TRAPPC9: variants seen among roughly 807,000 people sequenced by gnomAD.
TRAPPC9 encodes the protein IKK2 binding protein.
Under a neutral mutation model 124.0 loss-of-function variants are expected in TRAPPC9, and 83 were observed. The ratio of observed to expected loss-of-function variants is 0.67; its 90% CI spans 0.56 to 0.80. The LOEUF (loss-of-function observed/expected upper bound fraction) is 0.80. Among genes scored for constraint, TRAPPC9 ranks in the 30% least tolerant of loss-of-function variants. The pLI, the probability that TRAPPC9 is intolerant of heterozygous loss-of-function variation, is 0.00. For synonymous variants in TRAPPC9, 638 were observed against 617.5 expected, an observed-to-expected ratio of 1.03 and a Z score of -0.49; for missense variants, 1,302 against 1,508.3, an observed-to-expected ratio of 0.86 and a Z score of 2.27.
chr8:140,045,520 G>A (rs756680296), intron 17 of TRAPPC9, among the ~76,000 whole-genome samples: 13 of 151,002 alleles, frequency 8.6e-5, no homozygotes, highest in Non-Finnish European at 1.2e-4. Flanking sequence ...CCAGCTACTC[G>A]GGAAGGTGAG....
chr8:140,325,044 T>C (rs1309643729), intron 9 of TRAPPC9, among the ~76,000 whole-genome samples: 5 of 151,740 alleles, frequency 3.3e-5, no homozygotes, highest in Non-Finnish European at 7.4e-5. Context: ...CAGAAATCAA[T>C]AACAATACCA....
Position 139,731,046 on chromosome 8 carries a change from C to T in TRAPPC9, c.*15G>A, listed in dbSNP as rs373434623. 16 of 1,611,114 alleles carry T rather than the reference C, an allele frequency of 9.9e-6. No individual in the cohort carries two copies. Among genetic ancestry groups the T allele is most frequent in the Admixed American group, 6.7e-5 (4 of 59,970 alleles). ...ACCTCTGGCCCTGCAGAAAGAGGGACGGAAGTAGGCGGGCTCAGGCCTGCG... is the reference window on the plus strand; with the variant it reads ...ACCTCTGGCCCTGCAGAAAGAGGGATGGAAGTAGGCGGGCTCAGGCCTGCG... On this transcript the variant is annotated 3_prime_UTR_variant, in exon 23 of 23. Coordinates refer to ENST00000438773, the MANE Select transcript of TRAPPC9 (RefSeq NM_001160372.4).
intron 21 of TRAPPC9, among the ~76,000 whole-genome samples, chr8:139,852,162 A>G (rs375245668): frequency 1.3e-5 from 2 of 152,224 alleles, no homozygotes; most frequent in East Asian, 1.9e-4. Flanking sequence ...CCTTCCACAG[A>G]TGATGAGACT....
In TRAPPC9 at chr8:140,388,805, G is replaced by A. The variant is rs899763095; in HGVS notation, c.1134+8815C>T. On this transcript the variant is annotated intron_variant, in intron 7 of 22. Transcript: ENST00000438773. ...GGAGGTTGCAGTGAGCAGAGATGGC[G>A]CCATTGCACACTCCAGCCTGAACAG... is the stretch of plus-strand genomic sequence containing the variant. Among the ~76,000 whole-genome samples, 9 of 142,832 alleles carry A rather than the reference G, an allele frequency of 6.3e-5. No homozygotes were observed. In the South Asian group the frequency reaches 6.6e-4, roughly 11 times the overall value. 93.7% of individuals were successfully genotyped at this position (142,832 alleles called of 152,430 possible).
Position 140,353,876 on chromosome 8 carries a change from C to T in TRAPPC9, c.1495+6174G>A, listed in dbSNP as rs933181400. ...CGTGACAGTTGGTGTCTTTGAGGAG[C>T]TTAGAGGCTTGCTGGGTGGGCAAAC... On this transcript the variant is annotated intron_variant, in intron 9 of 22. Coordinates refer to ENST00000438773, the MANE Select transcript of TRAPPC9 (RefSeq NM_001160372.4). The surrounding 1 kb of genome is among the most constrained non-coding windows in gnomAD (Gnocchi z 4.2). Among the ~76,000 whole-genome samples the T allele has an allele frequency of 6.6e-6, 1 of 152,166 alleles. No homozygotes were observed. The highest frequency in any genetic ancestry group is 2.4e-5 in the African/African-American group (1 of 41,434).
intron 17 of TRAPPC9, among the ~76,000 whole-genome samples, chr8:140,145,943 T>C (rs997303332): frequency 6.6e-5 from 10 of 152,230 alleles, no homozygotes; most frequent in African/African-American, 2.4e-4. Context: ...GCTATCTTGG[T>C]TAGAATTCAA....
chr8:140,291,183 C>T, intron 11 of TRAPPC9, 105 bp from the exon 12 acceptor site: 1 of 1,022,236 alleles, frequency 9.8e-7, no homozygotes, highest in South Asian at 1.3e-5. Flanking sequence ...CTCAGTGAGG[C>T]AGCAGGCTCT....
intron 21 of TRAPPC9, among the ~76,000 whole-genome samples, chr8:139,816,309 A>T (rs988766137): frequency 6.6e-6 from 1 of 152,240 alleles, no homozygotes; most frequent in African/African-American, 2.4e-5. Flanking sequence ...CGGTGAAAGC[A>T]GCTGGGCCAG....
intron 14 of TRAPPC9, 21 bp from the exon 15 acceptor site, chr8:140,275,842 T>A (rs759457684): frequency 6.2e-7 from 1 of 1,600,876 alleles, no homozygotes; most frequent in Admixed American, 1.7e-5. Context: ...AAGAAGAAAT[T>A]TAAAGAAGAA....
intron 17 of TRAPPC9, among the ~76,000 whole-genome samples, chr8:140,028,160 T>G (rs1840273943): frequency 6.6e-6 from 1 of 151,914 alleles, no homozygotes; most frequent in Non-Finnish European, 1.5e-5. Context: ...ATATATATGG[T>G]CTTATTAATA....
intron 21 of TRAPPC9, among the ~76,000 whole-genome samples, chr8:139,803,628 G>A (rs1823722712): frequency 6.6e-6 from 1 of 152,202 alleles, no homozygotes; most frequent in African/African-American, 2.4e-5. Flanking sequence ...GCACATATCA[G>A]CCCATCAACA....
chr8:140,303,594 T>G (rs1247827201), intron 10 of TRAPPC9, among the ~76,000 whole-genome samples: 1 of 152,256 alleles, frequency 6.6e-6, no homozygotes, highest in Non-Finnish European at 1.5e-5. Flanking sequence ...AGATCACGCT[T>G]GGCCACTACC....
chr8:139,900,094 G>A lies in TRAPPC9; in HGVS notation c.2964+10053C>T, dbSNP rs1446055494. Among the ~76,000 whole-genome samples the A allele has an allele frequency of 4.6e-5, 7 of 152,302 alleles. No individual in the cohort carries two copies. The South Asian group carries it at 6.2e-4, about 14-fold the overall frequency. Reference sequence around the variant, plus strand: ...TCGCTGGGTCAAAACCCTTCAGGGCGACCCACTGCTTTTAGGACAAAGTCC... The same window carrying A: ...TCGCTGGGTCAAAACCCTTCAGGGCAACCCACTGCTTTTAGGACAAAGTCC... On this transcript the variant is annotated intron_variant, in intron 20 of 22. Coordinates refer to ENST00000438773, the MANE Select transcript of TRAPPC9 (RefSeq NM_001160372.4).
chr8:139,931,683 G>A (rs559579309), intron 19 of TRAPPC9: 9 of 153,572 alleles, frequency 5.9e-5, no homozygotes, highest in African/African-American at 2.2e-4. Flanking sequence ...CGCCTGAGCA[G>A]AGGCGGGTGT....
intron 19 of TRAPPC9, among the ~76,000 whole-genome samples, chr8:139,982,925 T>A (rs72685203): frequency 0.072 from 10,881 of 152,080 alleles, 509 homozygotes; most frequent in Non-Finnish European, 0.1. Context: ...CCTGCACGGC[T>A]CTCCCTGGCA....
At chr8:139,837,667 T>G (rs1423198749) in intron 21 of TRAPPC9, among the ~76,000 whole-genome samples, 1 of 152,216 alleles carries the variant, frequency 6.6e-6, no homozygotes, top group Admixed American at 6.5e-5. Flanking sequence ...GTCCTAGCTC[T>G]GTCCACGCAC....
intron 20 of TRAPPC9, among the ~76,000 whole-genome samples, chr8:139,898,295 C>G (rs1216358636): frequency 6.6e-6 from 1 of 152,240 alleles, no homozygotes; most frequent in Non-Finnish European, 1.5e-5. Context: ...TACTTGTGGC[C>G]ATGACCGATT....
intron 18 of TRAPPC9, among the ~76,000 whole-genome samples, chr8:140,017,557 C>A (rs1839548066): frequency 6.6e-6 from 1 of 152,172 alleles, no homozygotes; most frequent in Non-Finnish European, 1.5e-5. Flanking sequence ...TATTTCTGGA[C>A]TATCTATTAT....
intron 17 of TRAPPC9, among the ~76,000 whole-genome samples, chr8:140,150,310 G>A (rs1220685974): frequency 2.0e-5 from 3 of 152,154 alleles, no homozygotes; most frequent in Non-Finnish European, 4.4e-5. Flanking sequence ...TTAGCCAGGT[G>A]TGGTGGCAGG....
Sources: gnomAD v4.1 joint callset for allele counts (sites outside exome capture counted in the v4.1 genomes callset) on GRCh38, gnomAD v4.1.1 for gene constraint, Gnocchi (gnomAD v3.1) non-coding constraint, MANE v1.5 for transcripts, NCBI Gene and HGNC (gene_info 2026-07-23, HGNC 2026-07-21) for gene names.